The following ZNF705B variants were observed in gnomAD, a reference collection of about 807,000 sequenced individuals.
ZNF705B encodes zinc finger protein 705B.
A neutral mutation model predicts 10.5 loss-of-function variants in ZNF705B; 1 was observed. The observed-to-expected ratio is 0.10, with a 90% confidence interval of 0.03 to 0.45. The LOEUF is 0.45. Ranked by LOEUF, ZNF705B falls within the 20% of genes least tolerant of loss-of-function variation. The probability of loss-of-function intolerance (pLI) is 0.97; values close to 1 mark genes in which losing one functional copy is unlikely to be tolerated. For synonymous variants in ZNF705B, 4 were observed against 25.4 expected (o/e 0.16, Z 2.53); for missense variants, 14 against 84.0 (o/e 0.17, Z 3.26).
intron 2 of ZNF705B, among the ~76,000 whole-genome samples, chr8:7,936,563 C>G (rs1820020247): frequency 8.3e-6 from 1 of 120,050 alleles, no homozygotes; most frequent in African/African-American, 2.5e-5. Flanking sequence ...AAATTGTGTC[C>G]TTTTCAGCAA....
chr8:7,928,080 T>A (rs1362253310), intron 1 of ZNF705B, among the ~76,000 whole-genome samples: 3 of 120,136 alleles, frequency 2.5e-5, no homozygotes, highest in Admixed American at 9.5e-5. Context: ...AGGTTGGAAG[T>A]CCAAGATCAA....
chr8:7,926,859 T>C (rs1343967887), intron 1 of ZNF705B, among the ~76,000 whole-genome samples: 3 of 114,506 alleles, frequency 2.6e-5, no homozygotes, highest in Non-Finnish European at 6.2e-5. Context: ...TGTTCCTTTA[T>C]TCAAAAAATA....
intron 1 of ZNF705B, 43 bp from the exon 2 acceptor site, chr8:7,930,244 A>G (rs1376089844): frequency 8.7e-6 from 1 of 114,764 alleles, no homozygotes; most frequent in African/African-American, 2.6e-5. Flanking sequence ...TTGGTTTTCT[A>G]TTCCTGTGTT....
At chr8:7,935,611 T>A (rs1197431097) in intron 2 of ZNF705B, among the ~76,000 whole-genome samples, 1,568 of 122,194 alleles carry the variant, frequency 0.013, 18 homozygotes, top group African/African-American at 0.038. Context: ...TTAATTGACC[T>A]GAAATCCAAA....
In ZNF705B at chr8:7,932,165, C is replaced by T. The variant is rs1211779862; in HGVS notation, c.-72+1729C>T. 1.6e-5 allele frequency among the ~76,000 whole-genome samples: 2 copies of T among 121,294 alleles called. 1 individual carries two copies. The highest frequency in any genetic ancestry group is 4.7e-4 in the East Asian group (2 of 4,268). 79.6% of individuals were successfully genotyped at this position (121,294 alleles called of 152,430 possible). On this transcript the variant is annotated intron_variant, in intron 2 of 6. Transcript: ENST00000400120. ...GCCTGCAAGGGCTGAGAGACTGTCC[C>T]TTGGCTAGGATTGCAGTGTCCACAG...
At chr8:7,941,033 G>T (rs1257924779) in intron 2 of ZNF705B, among the ~76,000 whole-genome samples, 1 of 149,424 alleles carries the variant, frequency 6.7e-6, no homozygotes, top group East Asian at 2.0e-4. Flanking sequence ...TCCTTTTTAT[G>T]GCTGCATAGT....
At position 7,938,357 on chromosome 8, in the gene ZNF705B, C is replaced by G. The variant is rs1298808900; in HGVS notation, c.-72+7921C>G. ...TGAGCCTACCACAGCTTTGGCATAG[C>G]TCTTATGCCAGTTCTTAGGATAACT... is the stretch of plus-strand genomic sequence containing the variant. On this transcript the variant is annotated intron_variant, in intron 2 of 6. Coordinates refer to ENST00000400120, the MANE Select transcript of ZNF705B (RefSeq NM_001193630.1). Among the ~76,000 whole-genome samples the G allele has an allele frequency of 4.3e-5, 5 of 116,068 alleles. No homozygotes were observed. In the Admixed American group the frequency reaches 4.6e-4, roughly 11 times the overall value. The allele number at this position is 116,068 out of a possible 152,430, so 76.1% of individuals were successfully genotyped here.
chr8:7,927,618 G>A (rs1819732854), intron 1 of ZNF705B, among the ~76,000 whole-genome samples: 2 of 117,694 alleles, frequency 1.7e-5, no homozygotes, highest in African/African-American at 5.1e-5. Context: ...ACAAACAGTA[G>A]GAGGTTGACA....
At chr8:7,927,802 A>G (rs1357672968) in intron 1 of ZNF705B, among the ~76,000 whole-genome samples, 2 of 147,422 alleles carry the variant, frequency 1.4e-5, no homozygotes, top group African/African-American at 4.9e-5. Context: ...TTTTGCAAAG[A>G]CCACAGCTTA....
At chr8:7,930,217 G>A (rs1371051522) in intron 1 of ZNF705B, 70 bp from the exon 2 acceptor site, 1 of 117,842 alleles carries the variant, frequency 8.5e-6, no homozygotes, top group Non-Finnish European at 2.0e-5. Flanking sequence ...TTATTTATAA[G>A]TGAGAATGTG....
chr8:7,928,550 T>C (rs1328900970), intron 1 of ZNF705B, among the ~76,000 whole-genome samples: 3 of 117,094 alleles, frequency 2.6e-5, no homozygotes, highest in Non-Finnish European at 6.1e-5. Context: ...GCAACACAGA[T>C]GTGGAGGGGA....
intron 1 of ZNF705B, among the ~76,000 whole-genome samples, chr8:7,927,506 G>A (rs1819726675): frequency 8.3e-6 from 1 of 120,420 alleles, no homozygotes; most frequent in Non-Finnish European, 2.0e-5. Flanking sequence ...ACTTTTTGAT[G>A]GGGTTGAAAC....
chr8:7,935,533 C>G (rs1395676197), intron 2 of ZNF705B, among the ~76,000 whole-genome samples: 2 of 117,474 alleles, frequency 1.7e-5, no homozygotes, highest in South Asian at 3.0e-4. Flanking sequence ...TTCTGGAACA[C>G]AAAAGCCAAT....
At position 7,928,419 on chromosome 8, in the gene ZNF705B, G is replaced by T. The variant is rs574485842; in HGVS notation, c.-221-1868G>T. On this transcript the variant is annotated intron_variant, in intron 1 of 6. Transcript: ENST00000400120. ...AAGTGTCATTTGTTTAAACAAATAC[G>T]TGAGTACCTCGTCTCTGCTAGGTAC... 1.2e-3 allele frequency among the ~76,000 whole-genome samples: 149 copies of T among 120,694 alleles called. 47 individuals are homozygous for T. Among genetic ancestry groups the T allele is most frequent in the Non-Finnish European group, 2.4e-3 (123 of 50,356 alleles). 79.2% of individuals were successfully genotyped at this position (120,694 alleles called of 152,430 possible). A position where few individuals can be genotyped will look rare whatever the true frequency, so the allele number is the denominator to read the frequency against.
At position 7,933,895 on chromosome 8, in the gene ZNF705B, C is replaced by A. The variant is rs1159862438; in HGVS notation, c.-72+3459C>A. Among the ~76,000 whole-genome samples the A allele has an allele frequency of 6.9e-3, 537 of 77,962 alleles. 2 individuals are homozygous for A. Among genetic ancestry groups the A allele is most frequent in the African/African-American group, 0.018 (517 of 28,808 alleles). 51.1% of individuals were successfully genotyped at this position (77,962 alleles called of 152,430 possible). On this transcript the variant is annotated intron_variant, in intron 2 of 6. Transcript: ENST00000400120. The stretch of plus-strand genomic sequence containing the variant: ...GATGGGATAGAAGGATACTGGAAAC[C>A]AAACAGTAATCAAGTCATAACATGT...
intron 2 of ZNF705B, among the ~76,000 whole-genome samples, chr8:7,941,164 C>G (rs1820147672): frequency 6.8e-6 from 1 of 146,394 alleles, no homozygotes; most frequent in Non-Finnish European, 1.5e-5. Flanking sequence ...GTGCATGTAT[C>G]TTTATAATAG....
Sources: allele counts gnomAD v4.1 joint callset (sites outside exome capture counted in the v4.1 genomes callset), GRCh38; gene constraint gnomAD v4.1.1; transcripts MANE v1.5; gene names NCBI Gene and HGNC (gene_info 2026-07-23, HGNC 2026-07-21).